Variants in FHL2 observed in about 807,000 individuals in gnomAD.
The protein encoded by FHL2 is four and a half LIM domains protein 2.
In FHL2, 20 loss-of-function variants were observed where a neutral mutation model predicts 32.7. That is an observed-to-expected ratio of 0.61 (90% CI 0.43 to 0.89). The LOEUF (loss-of-function observed/expected upper bound fraction) is 0.89, where lower values mean the gene tolerates loss of function less well. Among genes scored for constraint, FHL2 ranks in the 40% least tolerant of loss-of-function variants. The pLI is 0.00. For missense variants in FHL2, 311 were observed against 358.6 expected, an observed-to-expected ratio of 0.87 and a Z score of 1.07; for synonymous variants, 123 against 128.1, an observed-to-expected ratio of 0.96 and a Z score of 0.27.
chr2:105,364,302 C>T (rs1680486751), intron 5 of FHL2, among the ~76,000 whole-genome samples: 1 of 152,160 alleles, frequency 6.6e-6, no homozygotes, highest in Non-Finnish European at 1.5e-5. Flanking sequence ...AAGTGGTAAC[C>T]TCTCCAATGC....
intron 6 of FHL2, 26 bp from the exon 7 acceptor site, chr2:105,361,460 G>A (rs776246738): frequency 2.1e-5 from 33 of 1,599,084 alleles, no homozygotes; most frequent in East Asian, 1.6e-4. Flanking sequence ...AAATAATACC[G>A]GATGAAGAAA....
intron 1 of FHL2, chr2:105,396,918 C>A (rs912998105): frequency 3.9e-6 from 2 of 507,908 alleles, no homozygotes; most frequent in East Asian, 6.6e-5. Flanking sequence ...GACTCAGGCC[C>A]GGTGCTGACA....
intron 5 of FHL2, among the ~76,000 whole-genome samples, chr2:105,363,675 C>T (rs1036101854): frequency 3.9e-5 from 6 of 152,208 alleles, no homozygotes; most frequent in African/African-American, 4.8e-5. Flanking sequence ...CTGGCTTTCC[C>T]GTTAGTGAAA....
At chr2:105,437,323 C>A (rs896744689) in intron 1 of FHL2, among the ~76,000 whole-genome samples, 6 of 152,042 alleles carry the variant, frequency 3.9e-5, no homozygotes, top group Non-Finnish European at 5.9e-5. Flanking sequence ...TCCTGGATAC[C>A]CCAAAACCCT....
intron 1 of FHL2, among the ~76,000 whole-genome samples, chr2:105,428,147 C>T (rs1684318542): frequency 6.6e-6 from 1 of 152,266 alleles, no homozygotes; most frequent in South Asian, 2.1e-4. Context: ...TGAGGGTGGC[C>T]CCTAGTCTTT....
At chr2:105,363,543 C>T in intron 5 of FHL2, 72 bp from the exon 6 acceptor site, 1 of 1,372,074 alleles carries the variant, frequency 7.3e-7, no homozygotes, top group Non-Finnish European at 9.9e-7. Flanking sequence ...GCTACTGCCA[C>T]TGGACGATGC....
chr2:105,392,418 G>A (rs1682795236), intron 2 of FHL2, among the ~76,000 whole-genome samples: 1 of 152,080 alleles, frequency 6.6e-6, no homozygotes, highest in Admixed American at 6.5e-5. Context: ...GCTGCAGTGA[G>A]CCATGATAGC....
intron 3 of FHL2, among the ~76,000 whole-genome samples, chr2:105,385,114 A>G (rs1682205613): frequency 6.6e-6 from 1 of 152,194 alleles, no homozygotes; most frequent in South Asian, 2.1e-4. Context: ...CGTTTCTTTT[A>G]CATTCAGCAC....
chr2:105,412,796 G>C (rs1683834077), intron 1 of FHL2, among the ~76,000 whole-genome samples: 1 of 152,206 alleles, frequency 6.6e-6, no homozygotes, highest in Non-Finnish European at 1.5e-5. Context: ...AGGAGCAGTG[G>C]CCAGGGGGTG....
intron 5 of FHL2, among the ~76,000 whole-genome samples, chr2:105,366,430 GA>G (rs1174453317): frequency 6.6e-6 from 1 of 152,206 alleles, no homozygotes; most frequent in Non-Finnish European, 1.5e-5. Context: ...ATAACAGGAG[GA>G]GAGCGAACAG....
chr2:105,399,558 G>A (rs1314472985), upstream of FHL2: 1 of 1,535,798 alleles, frequency 6.5e-7, no homozygotes, highest in Admixed American at 2.0e-5. Flanking sequence ...AGAATCCTTC[G>A]TTCCACTACG....
rs1446246463 is a variant in FHL2 at position 105,397,229 on chromosome 2, C to T, written c.-75-532G>A. On this transcript the variant is annotated intron_variant, in intron 1 of 6. Transcript: ENST00000530340. ...TTAGAACTCAGGTTCTCCAGTTAAG[C>T]TGCCTGGGGTCAGATCTCAGGGCTA... Among the ~76,000 whole-genome samples, 3 of 152,112 alleles carry T rather than the reference C, an allele frequency of 2.0e-5. No individual in the cohort carries two copies. In the East Asian group the frequency reaches 5.8e-4, roughly 29 times the overall value.
chr2:105,438,058 C>A (rs891590313), intron 1 of FHL2, among the ~76,000 whole-genome samples: 1 of 152,090 alleles, frequency 6.6e-6, no homozygotes, highest in African/African-American at 2.4e-5. Flanking sequence ...AAATGTTTTC[C>A]GTTGTTCAAA....
At chr2:105,397,888 G>GTT (rs55868128) in intron 1 of FHL2, among the ~76,000 whole-genome samples, 37 of 138,566 alleles carry the variant, frequency 2.7e-4, no homozygotes, top group African/African-American at 7.2e-4. Context: ...TTTGTTTTTT[G>GTT]TTTTTTTTTG....
intron 4 of FHL2, 63 bp from the exon 5 acceptor site, chr2:105,367,802 A>G (rs1558684068): frequency 6.5e-7 from 1 of 1,527,118 alleles, no homozygotes; most frequent in African/African-American, 1.4e-5. Context: ...AGTCCCAGCA[A>G]TCTGCCTTCA....
chr2:105,414,470 C>A (rs1352825869), intron 1 of FHL2, among the ~76,000 whole-genome samples: 1 of 152,084 alleles, frequency 6.6e-6, no homozygotes, highest in Non-Finnish European at 1.5e-5. Context: ...TAGCTAGGAC[C>A]CGCCCCCCCT....
At chr2:105,379,937 G>A (rs543070775) in intron 3 of FHL2, among the ~76,000 whole-genome samples, 14 of 152,334 alleles carry the variant, frequency 9.2e-5, no homozygotes, top group African/African-American at 2.9e-4. Context: ...TTGGAAACTC[G>A]TAGGTAACTA....
chr2:105,394,600 G>GGAAA (rs755342586), intron 2 of FHL2, among the ~76,000 whole-genome samples: 35 of 148,854 alleles, frequency 2.4e-4, no homozygotes, highest in Non-Finnish European at 3.1e-4. Flanking sequence ...AAGAAAAGAA[G>GGAAA]GAAAGAAAGA....
chr2:105,364,343 C>T (rs928869071), intron 5 of FHL2, among the ~76,000 whole-genome samples: 14 of 152,168 alleles, frequency 9.2e-5, no homozygotes, highest in Non-Finnish European at 7.3e-5. Context: ...CAGCCACTTA[C>T]GGTGAAAGAA....
Sources: gnomAD v4.1 joint callset for allele counts (sites outside exome capture counted in the v4.1 genomes callset) on GRCh38, gnomAD v4.1.1 for gene constraint, MANE v1.5 for transcripts, NCBI Gene and HGNC (gene_info 2026-07-23, HGNC 2026-07-21) for gene names.